SLC38A6: variants seen among roughly 807,000 people sequenced by gnomAD.
The protein encoded by SLC38A6 is solute carrier family 38 member 6.
A neutral mutation model predicts 65.0 loss-of-function variants in SLC38A6; 73 were observed. That is an observed-to-expected ratio of 1.12 (90% confidence interval 0.93 to 1.37). The LOEUF (loss-of-function observed/expected upper bound fraction) is 1.37, where lower values mean the gene tolerates loss of function less well. Among genes scored for constraint, SLC38A6 ranks in the 40% most tolerant of loss-of-function variants. The pLI, the probability that SLC38A6 is intolerant of heterozygous loss-of-function variation, is 0.00. For missense variants in SLC38A6, 561 were observed against 531.1 expected, an observed-to-expected ratio of 1.06 and a Z score of -0.55; for synonymous variants, 183 against 178.8, an observed-to-expected ratio of 1.02 and a Z score of -0.19.
At chr14:61,061,748 C>T (rs1181208326) in intron 15 of SLC38A6, among the ~76,000 whole-genome samples, 1 of 152,174 alleles carries the variant, frequency 6.6e-6, no homozygotes, top group East Asian at 1.9e-4. Context: ...TATCCATTCA[C>T]CTGTTGAAAG....
intron 15 of SLC38A6, among the ~76,000 whole-genome samples, chr14:61,075,697 G>A (rs149574349): frequency 3.0e-4 from 45 of 151,590 alleles, no homozygotes; most frequent in African/African-American, 9.9e-4. Flanking sequence ...TTCCCCTTAC[G>A]GTCATCTTGC....
rs908913891 is a variant in SLC38A6 at position 61,008,545 on chromosome 14, C to G, written c.311-7359C>G. ...TTGCTGTACCAAGCCTTGGTATCTG[C>G]TATTCTCTTTAGTGTAAGCACTTTT... On this transcript the variant is annotated intron_variant, in intron 3 of 15. Transcript: ENST00000267488. Among the ~76,000 whole-genome samples, 3 of 152,098 alleles carry G rather than the reference C, an allele frequency of 2.0e-5. 1 individual carries two copies. The highest frequency in any genetic ancestry group is 6.3e-3 in the Middle Eastern group (2 of 316).
rs2139354995 is a variant in SLC38A6 at position 60,998,693 on chromosome 14, G to C, written c.310+13890G>C. ...AAAAGAGCACTGTAGCATGCCCACT[G>C]GGGCTTCAGGAGTTGCAGGCATGTA... On this transcript the variant is annotated intron_variant, in intron 3 of 15. Transcript: ENST00000267488. Among the ~76,000 whole-genome samples the C allele has an allele frequency of 1.3e-5, 2 of 152,344 alleles. 1 individual carries two copies. The highest frequency in any genetic ancestry group is 3.9e-4 in the East Asian group (2 of 5,176).
intron 3 of SLC38A6, among the ~76,000 whole-genome samples, chr14:60,992,733 A>G (rs2037995406): frequency 6.6e-6 from 1 of 151,594 alleles, no homozygotes; most frequent in South Asian, 2.1e-4. Context: ...GTTGTCCAGG[A>G]TGGAGTGCAG....
chr14:61,023,588 A>ATAT (rs904030694), intron 5 of SLC38A6, among the ~76,000 whole-genome samples: 6 of 23,370 alleles, frequency 2.6e-4, no homozygotes, highest in South Asian at 5.3e-3. Context: ...TAATAATAAT[A>ATAT]ATATATATAT....
At chr14:61,036,892 A>G (rs1231391433) in intron 6 of SLC38A6, among the ~76,000 whole-genome samples, 167 bp from the exon 7 acceptor site, 1 of 151,476 alleles carries the variant, frequency 6.6e-6, no homozygotes, top group Non-Finnish European at 1.5e-5. Flanking sequence ...GAAAAATAGG[A>G]TCCCACAAGA....
intron 3 of SLC38A6, among the ~76,000 whole-genome samples, chr14:61,011,743 T>C (rs569917004): frequency 6.6e-6 from 1 of 152,352 alleles, no homozygotes; most frequent in East Asian, 1.9e-4. Flanking sequence ...GACTTGATTA[T>C]GGTGGATAAG....
At chr14:61,012,169 A>G (rs367828108) in intron 3 of SLC38A6, among the ~76,000 whole-genome samples, 3 of 152,092 alleles carry the variant, frequency 2.0e-5, no homozygotes, top group Admixed American at 6.6e-5. Context: ...GTTTATTTGC[A>G]TAGAGGTGTT....
At chr14:61,003,409 G>A (rs1344124199) in intron 3 of SLC38A6, among the ~76,000 whole-genome samples, 2 of 151,844 alleles carry the variant, frequency 1.3e-5, no homozygotes, top group Non-Finnish European at 2.9e-5. Flanking sequence ...TGAGCATTTA[G>A]GTTAGTTTTG....
intron 3 of SLC38A6, among the ~76,000 whole-genome samples, chr14:61,007,174 G>C (rs559648694): frequency 6.6e-6 from 1 of 152,228 alleles, no homozygotes; most frequent in African/African-American, 2.4e-5. Flanking sequence ...GGACTGTTGT[G>C]GGGTGGGAGG....
intron 5 of SLC38A6, among the ~76,000 whole-genome samples, chr14:61,020,705 CTTCA>C (rs1460329216): frequency 1.3e-5 from 2 of 152,106 alleles, no homozygotes; most frequent in African/African-American, 4.8e-5. Context: ...AAACCAGTCT[CTTCA>C]TTTATGAATT....
chr14:61,016,614 T>C (rs2040028517), intron 4 of SLC38A6, among the ~76,000 whole-genome samples: 1 of 152,186 alleles, frequency 6.6e-6, no homozygotes, highest in African/African-American at 2.4e-5. Context: ...AGAAAAATAA[T>C]TGTCTTCCAC....
chr14:60,983,310 G>A (rs548736783), intron 2 of SLC38A6, among the ~76,000 whole-genome samples: 1 of 152,264 alleles, frequency 6.6e-6, no homozygotes, highest in African/African-American at 2.4e-5. Flanking sequence ...GGGCAAGATG[G>A]TGAAACCCCA....
chr14:60,985,741 G>A (rs890297256), intron 3 of SLC38A6, among the ~76,000 whole-genome samples: 1 of 152,078 alleles, frequency 6.6e-6, no homozygotes, highest in African/African-American at 2.4e-5. Flanking sequence ...GGTTTATTTT[G>A]CTCATAGTTC....
At chr14:61,074,357 A>G (rs1475303129) in intron 15 of SLC38A6, among the ~76,000 whole-genome samples, 1 of 152,166 alleles carries the variant, frequency 6.6e-6, no homozygotes, top group African/African-American at 2.4e-5. Flanking sequence ...ACAGAAATTT[A>G]TTTCTCATAG....
At chr14:61,022,390 T>G (rs961585438) in intron 5 of SLC38A6, among the ~76,000 whole-genome samples, 3 of 151,748 alleles carry the variant, frequency 2.0e-5, no homozygotes, top group African/African-American at 7.3e-5. Context: ...TCTGTGGAAC[T>G]TCTAGTCCAT....
chr14:61,066,550 A>G (rs2043024156), intron 15 of SLC38A6, among the ~76,000 whole-genome samples: 1 of 152,166 alleles, frequency 6.6e-6, no homozygotes, highest in Admixed American at 6.5e-5. Context: ...ATGAAAAGAC[A>G]TTGTAATATG....
chr14:61,069,068 T>C (rs1196708607), intron 15 of SLC38A6, among the ~76,000 whole-genome samples: 2 of 152,166 alleles, frequency 1.3e-5, no homozygotes, highest in Non-Finnish European at 2.9e-5. Context: ...TGGGCAACTT[T>C]GCAAAAATTA....
At chr14:61,067,163 C>T (rs763455491) in intron 15 of SLC38A6, among the ~76,000 whole-genome samples, 6 of 152,112 alleles carry the variant, frequency 3.9e-5, no homozygotes, top group Non-Finnish European at 8.8e-5. Context: ...ATCCCAGCTT[C>T]TGTCTCTTTC....
Sources: gnomAD v4.1 joint callset for allele counts (sites outside exome capture counted in the v4.1 genomes callset) on GRCh38, gnomAD v4.1.1 for gene constraint, MANE v1.5 for transcripts, NCBI Gene and HGNC (gene_info 2026-07-23, HGNC 2026-07-21) for gene names.